Variants in EIPR1 observed in about 807,000 individuals in gnomAD.
EIPR1 encodes the protein EARP complex and GARP complex interacting protein 1.
Under a neutral mutation model 48.1 loss-of-function variants are expected in EIPR1, and 25 were observed. The observed-to-expected ratio is 0.52, with a 90% CI of 0.38 to 0.73. The LOEUF (loss-of-function observed/expected upper bound fraction) is 0.73. Among genes scored for constraint, EIPR1 ranks in the 30% least tolerant of loss-of-function variants. The pLI, the probability that EIPR1 is intolerant of heterozygous loss-of-function variation, is 0.00. For synonymous variants in EIPR1, 204 were observed against 201.9 expected, an observed-to-expected ratio of 1.01 and a Z score of -0.09; for missense variants, 415 against 506.2, an observed-to-expected ratio of 0.82 and a Z score of 1.73.
chr2:3,240,805 C>T (rs1666591000), intron 4 of EIPR1, among the ~76,000 whole-genome samples: 1 of 150,542 alleles, frequency 6.6e-6, no homozygotes, highest in South Asian at 2.1e-4. Context: ...GCAAAGCCAG[C>T]AGACCCTTCC....
chr2:3,370,686 G>T (rs905129794), intron 1 of EIPR1, among the ~76,000 whole-genome samples: 1 of 152,064 alleles, frequency 6.6e-6, no homozygotes, highest in African/African-American at 2.4e-5. Flanking sequence ...GAAGTTTAGA[G>T]AAAAAAGAAT....
chr2:3,294,903 TTCTCTC>T (rs1668494911), intron 3 of EIPR1, among the ~76,000 whole-genome samples: 1 of 84,234 alleles, frequency 1.2e-5, no homozygotes, highest in Non-Finnish European at 2.2e-5. Context: ...ATCCAGCCCA[TTCTCTC>T]CCTGCACACA....
chr2:3,205,975 T>C (rs904441717), intron 5 of EIPR1, among the ~76,000 whole-genome samples: 13 of 152,214 alleles, frequency 8.5e-5, no homozygotes, highest in Non-Finnish European at 1.5e-4. Flanking sequence ...CTTGGAACAC[T>C]CAGAAGAGCT....
chr2:3,343,921 G>A (rs1040695048), intron 2 of EIPR1, among the ~76,000 whole-genome samples: 15 of 152,174 alleles, frequency 9.9e-5, no homozygotes, highest in African/African-American at 3.1e-4. Flanking sequence ...CAAAAAAAGG[G>A]CCAGGCACGG....
intron 5 of EIPR1, among the ~76,000 whole-genome samples, chr2:3,205,220 C>T (rs866815734): frequency 3.9e-5 from 6 of 152,238 alleles, no homozygotes; most frequent in Admixed American, 2.6e-4. Context: ...GTTCCCATCC[C>T]ATCCTCAGGG....
chr2:3,343,991 G>C (rs528467657), intron 2 of EIPR1, among the ~76,000 whole-genome samples: 4 of 152,306 alleles, frequency 2.6e-5, no homozygotes, highest in African/African-American at 9.6e-5. Context: ...GATGGCTTGA[G>C]CCCAGGAGGT....
intron 4 of EIPR1, among the ~76,000 whole-genome samples, chr2:3,252,515 C>T (rs1170389980): frequency 2.6e-5 from 4 of 152,098 alleles, no homozygotes; most frequent in Admixed American, 6.5e-5. Context: ...TGCTTGAACC[C>T]GGGAGACAGA....
intron 3 of EIPR1, among the ~76,000 whole-genome samples, chr2:3,314,356 G>C (rs369079459): frequency 2.6e-5 from 4 of 152,172 alleles, no homozygotes; most frequent in Middle Eastern, 3.4e-3. Flanking sequence ...TATACAGCAG[G>C]CTTCACAGTC....
intron 3 of EIPR1, among the ~76,000 whole-genome samples, chr2:3,284,086 C>A (rs1007630594): frequency 6.6e-6 from 1 of 152,210 alleles, no homozygotes; most frequent in Non-Finnish European, 1.5e-5. Context: ...AATGGGAGAG[C>A]CCACAGGCAC....
chr2:3,237,684 A>C (rs1021690996), intron 4 of EIPR1, among the ~76,000 whole-genome samples: 1 of 152,188 alleles, frequency 6.6e-6, no homozygotes, highest in African/African-American at 2.4e-5. Context: ...CTGAGAGGCA[A>C]GCGTGGAATG....
intron 3 of EIPR1, chr2:3,319,055 G>C: frequency 2.3e-6 from 1 of 436,966 alleles, no homozygotes; most frequent in Non-Finnish European, 4.8e-6. Context: ...AGACAGAAAG[G>C]AGAAAAGTGT....
intron 3 of EIPR1, among the ~76,000 whole-genome samples, chr2:3,304,248 C>A (rs1009462479): frequency 6.6e-6 from 1 of 152,182 alleles, no homozygotes; most frequent in East Asian, 1.9e-4. Flanking sequence ...CTGGCGAGAT[C>A]GGAGTTGAGA....
chr2:3,282,072 G>A (rs141143941), intron 3 of EIPR1, among the ~76,000 whole-genome samples: 81 of 152,364 alleles, frequency 5.3e-4, no homozygotes, highest in African/African-American at 1.7e-3. Flanking sequence ...ACTGATGAGA[G>A]CCAGTTGGTG....
chr2:3,262,797 T>C (rs72765307), intron 3 of EIPR1, among the ~76,000 whole-genome samples: 1 of 152,158 alleles, frequency 6.6e-6, no homozygotes, highest in Non-Finnish European at 1.5e-5. Context: ...ATGGAGCTCC[T>C]GGCCATGGGG....
At chr2:3,302,269 A>G (rs1340879706) in intron 3 of EIPR1, among the ~76,000 whole-genome samples, 1 of 152,204 alleles carries the variant, frequency 6.6e-6, no homozygotes, top group Non-Finnish European at 1.5e-5. Flanking sequence ...GATCAGAGTC[A>G]CCGCCTGATA....
intron 4 of EIPR1, among the ~76,000 whole-genome samples, chr2:3,244,610 C>CCTT (rs1479859255): frequency 3.3e-5 from 5 of 152,170 alleles, no homozygotes; most frequent in Admixed American, 2.0e-4. Context: ...TGAGGGAGCT[C>CCTT]CTTCTTCCCT....
At chr2:3,284,673 G>A (rs1370634457) in intron 3 of EIPR1, among the ~76,000 whole-genome samples, 1 of 152,232 alleles carries the variant, frequency 6.6e-6, no homozygotes, top group Non-Finnish European at 1.5e-5. Flanking sequence ...GGCAGAGAAC[G>A]GTTCACTTCT....
intron 3 of EIPR1, among the ~76,000 whole-genome samples, chr2:3,294,310 CCT>C (rs1325735453): frequency 1.3e-5 from 2 of 150,094 alleles, no homozygotes; most frequent in African/African-American, 4.9e-5. Flanking sequence ...TCCAGCCGAT[CCT>C]CTCTGCACAC....
chr2:3,284,547 CAG>C (rs937270806), intron 3 of EIPR1, among the ~76,000 whole-genome samples: 9 of 152,276 alleles, frequency 5.9e-5, no homozygotes, highest in African/African-American at 2.2e-4. Flanking sequence ...GAAAGGGAAA[CAG>C]AACCCAAATG....
Sources: gnomAD v4.1 joint callset for allele counts (sites outside exome capture counted in the v4.1 genomes callset) on GRCh38, gnomAD v4.1.1 for gene constraint, MANE v1.5 for transcripts, NCBI Gene and HGNC (gene_info 2026-07-23, HGNC 2026-07-21) for gene names.